WDR4: variants seen among roughly 807,000 people sequenced by gnomAD.
The protein encoded by WDR4 is WDR4 tRNA N7-guanosine methyltransferase non-catalytic subunit, also known as tRNA (guanine-N(7)-)-methyltransferase non-catalytic subunit WDR4.
In WDR4, 47 loss-of-function variants were observed where a neutral mutation model predicts 48.6. The observed-to-expected ratio is 0.97, with a 90% CI of 0.77 to 1.23. The LOEUF (loss-of-function observed/expected upper bound fraction) is 1.23, where lower values mean the gene tolerates loss of function less well. Ranked by LOEUF, WDR4 falls within the 50% of genes most tolerant of loss-of-function variation. WDR4 has a pLI of 0.00. For missense variants in WDR4, 606 were observed against 551.6 expected (o/e 1.10, Z -0.99); for synonymous variants, 268 against 230.0 (o/e 1.17, Z -1.49).
chr21:42,873,476 G>T, intron 3 of WDR4, 75 bp downstream of exon 3: 1 of 1,577,922 alleles, frequency 6.3e-7, no homozygotes, highest in Non-Finnish European at 8.6e-7. Flanking sequence ...CCATGTTATG[G>T]TCACTATTGC....
intron 5 of WDR4, among the ~76,000 whole-genome samples, chr21:42,861,077 C>G (rs986945098): frequency 6.6e-6 from 1 of 151,968 alleles, no homozygotes; most frequent in Non-Finnish European, 1.5e-5. Context: ...TGTGGGAGGC[C>G]GAGGCGGGCG....
chr21:42,859,574 C>CACAGGGGCCAGCGATCG, intron 6 of WDR4, 88 bp downstream of exon 6: 1 of 1,385,730 alleles, frequency 7.2e-7, no homozygotes. Context: ...GCCAGCGATC[C>CACAGGGGCCAGCGATCG]ACAGGGGCCA....
At chr21:42,883,388 T>A (rs989341388), upstream of WDR4, among the ~76,000 whole-genome samples, 4 of 147,728 alleles carry the variant, frequency 2.7e-5, no homozygotes, top group Non-Finnish European at 6.0e-5. Flanking sequence ...AAAAAAAAAA[T>A]TGTGTAAAAA....
chr21:42,870,803 A>G (rs1162873911), intron 3 of WDR4, among the ~76,000 whole-genome samples: 1 of 152,182 alleles, frequency 6.6e-6, no homozygotes, highest in Non-Finnish European at 1.5e-5. Flanking sequence ...TTAAAAAAAA[A>G]AATTACCATC....
rs1209418380 is a variant in WDR4, at chr21:42,867,393, C to CA, written c.297-3798dup. ...GTGACAAAGAGACACTCCGCTCCAC[C>CA]AAAAAAAAAAAAAAAAAAAAGTGAA... is the stretch of plus-strand genomic sequence containing the variant. On this transcript the variant is annotated intron_variant, in intron 3 of 10. Coordinates refer to ENST00000398208, the MANE Select transcript of WDR4 (RefSeq NM_018669.6). Among the ~76,000 whole-genome samples, 636 of 133,268 alleles carry CA rather than the reference C, an allele frequency of 4.8e-3. 10 individuals carry two copies. The highest frequency in any genetic ancestry group is 0.011 in the African/African-American group (429 of 37,450). The allele number at this position is 133,268 out of a possible 152,430, so 87.4% of individuals were successfully genotyped here.
At chr21:42,885,066 G>A in the WDR4 span, among the ~76,000 whole-genome samples, 22 of 152,042 alleles carry the variant, frequency 1.4e-4, no homozygotes, top group African/African-American at 3.9e-4. Flanking sequence ...GTGAACCAAC[G>A]CATCTGGACA....
At chr21:42,855,289 G>A (rs559555141) in intron 7 of WDR4, among the ~76,000 whole-genome samples, 8 of 152,296 alleles carry the variant, frequency 5.3e-5, no homozygotes, top group African/African-American at 1.4e-4. Context: ...ACCGTTTGGC[G>A]GGAAACTTTG....
chr21:42,892,820 G>A, the WDR4 span, among the ~76,000 whole-genome samples: 2 of 152,358 alleles, frequency 1.3e-5, no homozygotes, highest in South Asian at 4.1e-4. Flanking sequence ...GCCGACAGAG[G>A]GTGAGGGAGC....
the WDR4 span, among the ~76,000 whole-genome samples, chr21:42,888,896 G>T: frequency 6.6e-6 from 1 of 150,894 alleles, no homozygotes; most frequent in Non-Finnish European, 1.5e-5. Context: ...TAGCGACAGG[G>T]TTTCACCACG....
intron 6 of WDR4, among the ~76,000 whole-genome samples, chr21:42,859,192 C>T (rs768051973): frequency 2.0e-5 from 3 of 151,620 alleles, no homozygotes; most frequent in African/African-American, 7.3e-5. Context: ...GGAGGCAGAT[C>T]GCTTGAGCCC....
intron 3 of WDR4, among the ~76,000 whole-genome samples, chr21:42,870,784 C>T (rs2058353098): frequency 6.6e-6 from 1 of 151,958 alleles, no homozygotes; most frequent in South Asian, 2.1e-4. Context: ...AGTGAAACTC[C>T]GTCTCAAATT....
chr21:42,862,210 T>C lies in WDR4; in HGVS notation c.566+72A>G. The C allele has an allele frequency of 7.1e-7, 1 of 1,411,244 alleles. No individual in the cohort carries two copies. The highest frequency in any genetic ancestry group is 9.7e-7 in the Non-Finnish European group (1 of 1,035,904). The allele number at this position is 1,411,244 out of a possible 1,614,324, so 87.4% of individuals were successfully genotyped here. ...GGGCCTCGCCAGCTACAACGGCACC[T>C]GCTGAGCCGCAAGCTGACGCTGTTT... On this transcript the variant is annotated intron_variant, in intron 5 of 10. Transcript: ENST00000398208. The surrounding 1 kb of genome is among the most constrained non-coding windows in gnomAD (Gnocchi z 4.3).
At chr21:42,850,731 G>A (rs1051219200) in intron 10 of WDR4, among the ~76,000 whole-genome samples, 2 of 152,204 alleles carry the variant, frequency 1.3e-5, no homozygotes, top group African/African-American at 4.8e-5. Context: ...CCGGACCCCT[G>A]ACCCACAGCA....
intron 11 of WDR4, among the ~76,000 whole-genome samples, chr21:42,843,569 C>A (rs8128838): frequency 1.3e-5 from 2 of 150,128 alleles, no homozygotes; most frequent in South Asian, 2.1e-4. Context: ...TGCCACCACA[C>A]CTGGCTAATT....
chr21:42,875,082 G>A (rs759193972), intron 2 of WDR4, among the ~76,000 whole-genome samples: 20 of 152,038 alleles, frequency 1.3e-4, no homozygotes, highest in Non-Finnish European at 2.5e-4. Context: ...CAAACCGGCC[G>A]ACGCTTAGGG....
chr21:42,867,895 A>C (rs1009012506), intron 3 of WDR4, among the ~76,000 whole-genome samples: 1 of 152,128 alleles, frequency 6.6e-6, no homozygotes, highest in Non-Finnish European at 1.5e-5. Flanking sequence ...TTCCATAAAG[A>C]GAATCACACC....
chr21:42,855,908 TA>T (rs996848690), intron 6 of WDR4, 128 bp from the exon 7 acceptor site: 11 of 609,040 alleles, frequency 1.8e-5, no homozygotes, highest in African/African-American at 1.5e-4. Flanking sequence ...CCTCAGGAAT[TA>T]AAGGCTCTCT....
chr21:42,887,392 GC>G, the WDR4 span, among the ~76,000 whole-genome samples: 1 of 151,348 alleles, frequency 6.6e-6, no homozygotes, highest in African/African-American at 2.4e-5. Context: ...TCCTGCCTCA[GC>G]CTCCTAAAGT....
chr21:42,847,065 A>C (rs1175608108), downstream of WDR4, among the ~76,000 whole-genome samples: 2 of 152,140 alleles, frequency 1.3e-5, no homozygotes, highest in Non-Finnish European at 2.9e-5. Context: ...ACAATGACCA[A>C]ATTTTCTTCA....
Sources: allele counts gnomAD v4.1 joint callset (sites outside exome capture counted in the v4.1 genomes callset), GRCh38; gene constraint gnomAD v4.1.1; non-coding constraint Gnocchi (gnomAD v3.1); transcripts MANE v1.5; gene names NCBI Gene and HGNC (gene_info 2026-07-23, HGNC 2026-07-21).